SOBP: variants seen among roughly 807,000 people sequenced by gnomAD.
SOBP encodes the protein sine oculis-binding protein homolog.
SOBP carries 4 observed loss-of-function variants against 53.6 expected under a neutral mutation model. The observed-to-expected ratio is 0.07, with a 90% CI of 0.04 to 0.17. SOBP has a LOEUF of 0.17. SOBP is among the 10% of genes least tolerant of loss of function. The pLI, the probability that SOBP is intolerant of heterozygous loss-of-function variation, is 1.00. For synonymous variants in SOBP, 584 were observed against 522.6 expected (o/e 1.12, Z -1.60); for missense variants, 1,088 against 1,204.7 (o/e 0.90, Z 1.43).
rs780734733 is a variant in SOBP, at chr6:107,635,093, C to T, written c.2249C>T (p.Pro750Leu). Reference protein sequence around the residue: ...PPPEQPPPPPPPAPPKKLLSP... With the variant: ...PPPEQPPPPPLPAPPKKLLSP... ...CCCGAGCAGCCGCCGCCGCCGCCGCCGCCCGCGCCCCCCAAGAAGCTGCTG... is the reference window on the plus strand; with the variant it reads ...CCCGAGCAGCCGCCGCCGCCGCCGCTGCCCGCGCCCCCCAAGAAGCTGCTG... The change falls in exon 6 of 7, where the codon CCG (proline) becomes CTG (leucine). Residue 750 changes from proline to leucine, a missense_variant. Transcript: ENST00000317357. This position sits in a 1 kb window ranked among gnomAD's most constrained non-coding sequence, Gnocchi z 4.5. 6.3e-5 allele frequency: 101 copies of T among 1,595,948 alleles called. No individual in the cohort carries two copies. Among genetic ancestry groups the T allele is most frequent in the Admixed American group, 8.7e-5 (5 of 57,756 alleles).
intron 1 of SOBP, among the ~76,000 whole-genome samples, chr6:107,497,284 G>A (rs1157166282): frequency 1.3e-5 from 2 of 152,186 alleles, no homozygotes; most frequent in East Asian, 1.9e-4. Flanking sequence ...TCCTTTGAAA[G>A]CATTTCTCAT....
chr6:107,490,616 C>T lies in SOBP; in HGVS notation c.-1C>T. 1 of 1,601,544 alleles carries T rather than the reference C, an allele frequency of 6.2e-7. No individual in the cohort carries two copies. Among genetic ancestry groups the T allele is most frequent in the Non-Finnish European group, 8.5e-7 (1 of 1,173,330 alleles). The stretch of plus-strand genomic sequence containing the variant: ...TCTCCACAGAAACCAGACACAAAAA[C>T]ATGGCAGAAATGGAGAAAGAAGGGA... On this transcript the variant is annotated 5_prime_UTR_variant, in exon 1 of 7. Coordinates refer to ENST00000317357, the MANE Select transcript of SOBP (RefSeq NM_018013.4).
chr6:107,634,746 G>C lies in SOBP; in HGVS notation c.1902G>C (p.Pro634=), dbSNP rs1770925601. ...TRRAGSPPGP[P]GAGGQLGFPG... ...GCGCCGGCAGCCCCCCGGGCCCCCC[G>C]GGCGCGGGCGGCCAGCTCGGCTTCC... is the stretch of plus-strand genomic sequence containing the variant. The change falls in exon 6 of 7, where the codon CCG becomes CCC. Residue 634 remains proline (P), a synonymous_variant. Coordinates refer to ENST00000317357, the MANE Select transcript of SOBP (RefSeq NM_018013.4). The surrounding 1 kb of genome is among the most constrained non-coding windows in gnomAD (Gnocchi z 4.5). 1 of 1,333,238 alleles carries C rather than the reference G, an allele frequency of 7.5e-7. No individual in the cohort carries two copies. The highest frequency in any genetic ancestry group is 9.5e-7 in the Non-Finnish European group (1 of 1,049,972). The allele number at this position is 1,333,238 out of a possible 1,614,324, so 82.6% of individuals were successfully genotyped here.
At chr6:107,609,546 T>G (rs1786514917) in intron 5 of SOBP, among the ~76,000 whole-genome samples, 1 of 152,242 alleles carries the variant, frequency 6.6e-6, no homozygotes, top group Non-Finnish European at 1.5e-5. Context: ...ATTCTTTGTC[T>G]TAAGTCAACT....
chr6:107,524,118 G>A (rs972856295), intron 3 of SOBP, among the ~76,000 whole-genome samples: 5 of 152,232 alleles, frequency 3.3e-5, no homozygotes, highest in Non-Finnish European at 7.3e-5. Context: ...CTGAGGTCCT[G>A]TATAAAGCAG....
chr6:107,623,886 C>T (rs1365189666), intron 5 of SOBP, among the ~76,000 whole-genome samples: 1 of 152,170 alleles, frequency 6.6e-6, no homozygotes, highest in Non-Finnish European at 1.5e-5. Context: ...ATCCGGGCTT[C>T]ACTATTTGTA....
intron 3 of SOBP, among the ~76,000 whole-genome samples, chr6:107,507,179 G>A (rs370877243): frequency 5.3e-5 from 8 of 152,122 alleles, no homozygotes; most frequent in Admixed American, 5.2e-4. Context: ...CATGAGGCAG[G>A]CTTGGTCTTC....
chr6:107,651,454 G>A (rs1178972906), intron 6 of SOBP, among the ~76,000 whole-genome samples: 1 of 152,176 alleles, frequency 6.6e-6, no homozygotes, highest in African/African-American at 2.4e-5. Context: ...GACTGAGAGA[G>A]GGGAGGAAGC....
At position 107,549,349 on chromosome 6, in the gene SOBP, C is replaced by G. The variant is rs1784399833; in HGVS notation, c.573+15739C>G. On this transcript the variant is annotated intron_variant, in intron 4 of 6. Coordinates refer to ENST00000317357, the MANE Select transcript of SOBP (RefSeq NM_018013.4). ...TTATAAAGAGGCATACTCCCAAGCC[C>G]TATACTGGGGTGGAGCTCATGGAAG... is the stretch of plus-strand genomic sequence containing the variant. Among the ~76,000 whole-genome samples the G allele has an allele frequency of 2.0e-5, 3 of 151,796 alleles. No individual in the cohort carries two copies. In the South Asian group the frequency reaches 6.3e-4, roughly 32 times the overall value.
chr6:107,525,635 C>T (rs982664357), intron 3 of SOBP, among the ~76,000 whole-genome samples: 1 of 152,194 alleles, frequency 6.6e-6, no homozygotes, highest in Non-Finnish European at 1.5e-5. Context: ...ACATTTCTAC[C>T]TTTTGATAAT....
intron 1 of SOBP, 55 bp downstream of exon 1, chr6:107,490,767 C>T: frequency 1.5e-6 from 2 of 1,354,088 alleles, no homozygotes; most frequent in East Asian, 2.5e-5. Flanking sequence ...CGCCCGCTCC[C>T]CGTGGGCCGT....
At chr6:107,528,309 G>A (rs949564407) in intron 3 of SOBP, among the ~76,000 whole-genome samples, 2 of 152,082 alleles carry the variant, frequency 1.3e-5, no homozygotes, top group Non-Finnish European at 2.9e-5. Flanking sequence ...ATTCTTATTG[G>A]CACCCTTGAA....
chr6:107,648,492 A>G (rs1771654420), intron 6 of SOBP, among the ~76,000 whole-genome samples: 2 of 151,030 alleles, frequency 1.3e-5, no homozygotes, highest in Admixed American at 6.6e-5. Flanking sequence ...GACATCAGCT[A>G]GTTCGTGTGT....
At chr6:107,598,223 G>A (rs1023374157) in intron 5 of SOBP, among the ~76,000 whole-genome samples, 43 of 152,194 alleles carry the variant, frequency 2.8e-4, no homozygotes, top group African/African-American at 1.0e-3. Context: ...TGTACTTCCA[G>A]TGTATAATAA....
intron 1 of SOBP, among the ~76,000 whole-genome samples, chr6:107,492,449 T>C (rs1390355720): frequency 2.0e-5 from 3 of 152,200 alleles, no homozygotes; most frequent in Non-Finnish European, 4.4e-5. Context: ...ACAAATTAGC[T>C]AATTTTAATC....
chr6:107,556,506 A>C (rs1784613857), intron 4 of SOBP, among the ~76,000 whole-genome samples: 1 of 152,228 alleles, frequency 6.6e-6, no homozygotes, highest in Non-Finnish European at 1.5e-5. Flanking sequence ...TCACACCTGA[A>C]ACCAAATCAC....
chr6:107,550,460 G>A (rs940703320), intron 4 of SOBP, among the ~76,000 whole-genome samples: 3 of 152,186 alleles, frequency 2.0e-5, no homozygotes, highest in African/African-American at 4.8e-5. Context: ...TTGAGCATCC[G>A]CAGTATGAAG....
chr6:107,644,671 T>A (rs1771479691), intron 6 of SOBP, among the ~76,000 whole-genome samples: 2 of 152,182 alleles, frequency 1.3e-5, no homozygotes, highest in Admixed American at 1.3e-4. Flanking sequence ...AAAGAAGGCT[T>A]TAAAAGGCTC....
chr6:107,587,666 A>G (rs1785609999), intron 5 of SOBP, among the ~76,000 whole-genome samples: 1 of 152,170 alleles, frequency 6.6e-6, no homozygotes, highest in Non-Finnish European at 1.5e-5. Context: ...CGTCTCTCCT[A>G]TGCAGAAGGA....
Sources: allele counts gnomAD v4.1 joint callset (sites outside exome capture counted in the v4.1 genomes callset), GRCh38; gene constraint gnomAD v4.1.1; non-coding constraint Gnocchi (gnomAD v3.1); transcripts MANE v1.5; gene names NCBI Gene and HGNC (gene_info 2026-07-23, HGNC 2026-07-21).